The following ARID5B variants were observed in gnomAD, a reference collection of about 807,000 sequenced individuals.
The protein encoded by ARID5B is AT-rich interactive domain-containing protein 5B.
A neutral mutation model predicts 97.2 loss-of-function variants in ARID5B; 13 were observed. The observed-to-expected ratio is 0.13, with a 90% CI of 0.09 to 0.21. The LOEUF is 0.21. Among genes scored for constraint, ARID5B ranks in the 10% least tolerant of loss-of-function variants. ARID5B has a pLI of 1.00. For missense variants in ARID5B, 1,210 were observed against 1,465.3 expected (o/e 0.83, Z 2.84); for synonymous variants, 556 against 570.3 (o/e 0.97, Z 0.36).
intron 4 of ARID5B, among the ~76,000 whole-genome samples, chr10:62,044,471 G>A (rs1238984366): frequency 6.7e-6 from 1 of 148,894 alleles, no homozygotes; most frequent in Non-Finnish European, 1.5e-5. Flanking sequence ...GCCTCAAACT[G>A]CTGAACTCAA....
At chr10:61,980,022 G>A (rs1181317139) in intron 3 of ARID5B, among the ~76,000 whole-genome samples, 2 of 152,170 alleles carry the variant, frequency 1.3e-5, no homozygotes, top group African/African-American at 2.4e-5. Flanking sequence ...GAACCCGGGA[G>A]GCAGGGGTTG....
In ARID5B at chr10:61,968,558, C is replaced by T. The variant is rs545370074; in HGVS notation, c.502+28150C>T. Among the ~76,000 whole-genome samples, 9 of 152,092 alleles carry T rather than the reference C, an allele frequency of 5.9e-5. No homozygotes were observed. The South Asian group carries it at 1.5e-3, about 25-fold the overall frequency. ...TGAACCCTTTCAAGGTATCCTATTT[C>T]TAAGGCACCATTACTGGTACAGTTC... On this transcript the variant is annotated intron_variant, in intron 3 of 9. Coordinates refer to ENST00000279873, the MANE Select transcript of ARID5B (RefSeq NM_032199.3).
At chr10:61,954,730 C>T (rs1838367719) in intron 3 of ARID5B, among the ~76,000 whole-genome samples, 1 of 152,026 alleles carries the variant, frequency 6.6e-6, no homozygotes, top group Admixed American at 6.6e-5. Context: ...CATAAGAAAG[C>T]AAACTATGGG....
rs1203762791 is a variant in ARID5B at position 62,096,617 on chromosome 10, G to A, written c.*3587G>A. 4.3e-6 allele frequency: 1 copy of A among 233,346 alleles called. No individual in the cohort carries two copies. The highest frequency in any genetic ancestry group is 8.5e-6 in the Non-Finnish European group (1 of 117,964). The allele number at this position is 233,346 out of a possible 1,614,324, so 14.5% of individuals were successfully genotyped here. ...ATACTTTTTTAAACTTTCCTGTGTT[G>A]TAAATATTGTATACTTTTGGTGATT... On this transcript the variant is annotated 3_prime_UTR_variant, in exon 10 of 10. Transcript: ENST00000279873.
chr10:62,025,975 C>T (rs560367153), intron 4 of ARID5B, among the ~76,000 whole-genome samples: 12 of 152,350 alleles, frequency 7.9e-5, no homozygotes, highest in African/African-American at 2.4e-4. Context: ...CAAATTCTGG[C>T]ACATGCCTTG....
chr10:61,954,460 C>T (rs1792948261), intron 3 of ARID5B, among the ~76,000 whole-genome samples: 2 of 152,144 alleles, frequency 1.3e-5, no homozygotes, highest in African/African-American at 4.8e-5. Context: ...CTGCTTTTTA[C>T]TTCCTCTGAT....
At position 62,090,923 on chromosome 10, in the gene ARID5B, C is replaced by T. The variant is rs566668263; in HGVS notation, c.1460C>T (p.Pro487Leu). 10 of 1,612,970 alleles carry T rather than the reference C, an allele frequency of 6.2e-6. No homozygotes were observed. In the East Asian group the frequency reaches 1.8e-4, roughly 29 times the overall value. The change falls in exon 10 of 10, where the codon CCT (proline) becomes CTT (leucine). Residue 487 changes from proline to leucine, a missense_variant. By Grantham distance (98) the Pro-to-Leu change is moderately conservative (BLOSUM62 -3). Transcript: ENST00000279873. ...TLISQKSIPE[P>L]LPAADMKKKI... ...ATAAGCCAGAAAAGCATCCCTGAGC[C>T]TCTCCCAGCAGCAGACATGAAGAAA...
intron 4 of ARID5B, among the ~76,000 whole-genome samples, chr10:62,024,134 A>T (rs909517010): frequency 6.6e-6 from 1 of 152,342 alleles, no homozygotes; most frequent in Admixed American, 6.5e-5. Context: ...TTCAACAAAT[A>T]TTTAGGGATA....
rs71299289 is a variant in ARID5B, at chr10:62,087,298, C to CAAAAAAAAAAAAAAAA, written c.1398+1403_1398+1418dup. The stretch of plus-strand genomic sequence containing the variant: ...TGGGTGACAGAGAGAGACTCTATCT[C>CAAAAAAAAAAAAAAAA]AAAAAAAAAAAAAAAAAAAAGGAAA... On this transcript the variant is annotated intron_variant, in intron 9 of 9. Transcript: ENST00000279873. 2.9e-3 allele frequency among the ~76,000 whole-genome samples: 119 copies of CAAAAAAAAAAAAAAAA among 40,922 alleles called. 9 individuals carry two copies. The highest frequency in any genetic ancestry group is 0.014 in the Admixed American group (24 of 1,732). 26.8% of individuals were successfully genotyped at this position (40,922 alleles called of 152,430 possible). A position where few individuals can be genotyped will look rare whatever the true frequency, so the allele number is the denominator to read the frequency against.
chr10:62,037,292 A>T (rs1442611690), intron 4 of ARID5B, among the ~76,000 whole-genome samples: 1 of 152,168 alleles, frequency 6.6e-6, no homozygotes, highest in Non-Finnish European at 1.5e-5. Context: ...ACGTCAAAAG[A>T]ATGTTTTAAA....
At chr10:62,052,703 A>G (rs2393746) in intron 5 of ARID5B, among the ~76,000 whole-genome samples, 145,781 of 152,290 alleles carry the variant, frequency 0.96, 70,120 homozygotes, top group East Asian at 1. Flanking sequence ...CAGATGGGCC[A>G]TATTTGATGT....
chr10:62,076,734 T>A (rs1840142199), intron 8 of ARID5B, among the ~76,000 whole-genome samples: 1 of 152,082 alleles, frequency 6.6e-6, no homozygotes, highest in Non-Finnish European at 1.5e-5. Context: ...AAGGCTGAAT[T>A]TCCAAGTCAC....
intron 3 of ARID5B, among the ~76,000 whole-genome samples, chr10:61,942,887 T>G (rs1844436404): frequency 6.6e-6 from 1 of 152,174 alleles, no homozygotes; most frequent in Non-Finnish European, 1.5e-5. Flanking sequence ...AGCTTTATGA[T>G]TAGTGCTGAA....
intron 4 of ARID5B, among the ~76,000 whole-genome samples, chr10:62,019,737 C>T (rs549432740): frequency 4.6e-5 from 7 of 152,230 alleles, no homozygotes; most frequent in African/African-American, 1.4e-4. Context: ...CGAAGGTGTC[C>T]CAACCATTTA....
At chr10:61,929,375 G>A (rs960197737) in intron 2 of ARID5B, among the ~76,000 whole-genome samples, 1 of 152,114 alleles carries the variant, frequency 6.6e-6, no homozygotes, top group Non-Finnish European at 1.5e-5. Flanking sequence ...TTACACTTGT[G>A]CATTTATTGT....
chr10:61,925,183 C>A (rs114644689), intron 2 of ARID5B, among the ~76,000 whole-genome samples: 2 of 151,472 alleles, frequency 1.3e-5, no homozygotes, highest in Non-Finnish European at 2.9e-5. Context: ...CTAGCCTGGG[C>A]GACAGAGACT....
chr10:61,944,633 C>T (rs917609469), intron 3 of ARID5B, among the ~76,000 whole-genome samples: 2 of 152,190 alleles, frequency 1.3e-5, no homozygotes, highest in African/African-American at 4.8e-5. Flanking sequence ...AGTTGGACTA[C>T]ATTTATATGC....
At chr10:61,942,547 T>C (rs1844429047) in intron 3 of ARID5B, among the ~76,000 whole-genome samples, 1 of 152,218 alleles carries the variant, frequency 6.6e-6, no homozygotes, top group African/African-American at 2.4e-5. Flanking sequence ...ATCCCAGCAC[T>C]TTGGGAGGCC....
At chr10:61,924,236 T>C (rs1589220943) in intron 2 of ARID5B, among the ~76,000 whole-genome samples, 1 of 152,178 alleles carries the variant, frequency 6.6e-6, no homozygotes, top group East Asian at 1.9e-4. Flanking sequence ...ACTCAGGCGG[T>C]TGTAGTTGCT....
Sources: allele counts gnomAD v4.1 joint callset (sites outside exome capture counted in the v4.1 genomes callset), GRCh38; gene constraint gnomAD v4.1.1; transcripts MANE v1.5; gene names NCBI Gene and HGNC (gene_info 2026-07-23, HGNC 2026-07-21).